Variants in C10orf90 observed in about 807,000 individuals in gnomAD.
The protein encoded by C10orf90 is chromosome 10 open reading frame 90, also known as (E2-independent) E3 ubiquitin-conjugating enzyme FATS.
Under a neutral mutation model 62.5 loss-of-function variants are expected in C10orf90, and 56 were observed. The ratio of observed to expected loss-of-function variants is 0.90; its 90% CI spans 0.72 to 1.12. C10orf90 has a LOEUF of 1.12. Among genes scored for constraint, C10orf90 ranks in the 50% most tolerant of loss-of-function variants. C10orf90 has a pLI of 0.00. For missense variants in C10orf90, 970 were observed against 880.4 expected (o/e 1.10, Z -1.29); for synonymous variants, 386 against 340.4 (o/e 1.13, Z -1.47).
intron 6 of C10orf90, among the ~76,000 whole-genome samples, chr10:126,460,967 C>T (rs1357481404): frequency 6.6e-6 from 1 of 152,094 alleles, no homozygotes; most frequent in Non-Finnish European, 1.5e-5. Flanking sequence ...TAAAACTTTC[C>T]TATCCCTCCA....
chr10:126,611,855 TAG>T (rs1380687442), intron 2 of C10orf90, among the ~76,000 whole-genome samples: 1 of 152,188 alleles, frequency 6.6e-6, no homozygotes, highest in African/African-American at 2.4e-5. Flanking sequence ...AAGTGGTGCA[TAG>T]AGAGTACAAA....
At chr10:126,533,792 C>G (rs113160993) in intron 2 of C10orf90, among the ~76,000 whole-genome samples, 1,687 of 152,350 alleles carry the variant, frequency 0.011, 39 homozygotes, top group African/African-American at 0.038. Flanking sequence ...TTTAAGGCAT[C>G]AAATGCTCTT....
intron 2 of C10orf90, among the ~76,000 whole-genome samples, chr10:126,635,559 C>T (rs1358782190): frequency 1.3e-5 from 2 of 152,196 alleles, no homozygotes; most frequent in African/African-American, 2.4e-5. Flanking sequence ...TGATAACCTG[C>T]TCCTTCCATG....
At chr10:126,573,057 T>C (rs371735494) in intron 2 of C10orf90, among the ~76,000 whole-genome samples, 151 of 152,212 alleles carry the variant, frequency 9.9e-4, no homozygotes, top group South Asian at 6.0e-3. Context: ...AGACACCGAA[T>C]TGTAGAAGGA....
At chr10:126,631,682 C>T (rs1167292109) in intron 2 of C10orf90, among the ~76,000 whole-genome samples, 1 of 151,936 alleles carries the variant, frequency 6.6e-6, no homozygotes. Flanking sequence ...CACCCTCTAC[C>T]TCCCTGGCCT....
chr10:126,636,377 T>C (rs1845950545), intron 2 of C10orf90, among the ~76,000 whole-genome samples: 2 of 152,076 alleles, frequency 1.3e-5, no homozygotes, highest in Non-Finnish European at 2.9e-5. Flanking sequence ...AGACTCACTG[T>C]TGAAAAAGAA....
intron 2 of C10orf90, among the ~76,000 whole-genome samples, chr10:126,637,559 A>G (rs530203450): frequency 1.3e-5 from 2 of 152,344 alleles, no homozygotes; most frequent in African/African-American, 4.8e-5. Flanking sequence ...AGCAGGGGAG[A>G]GAAAGGTGGA....
intron 2 of C10orf90, among the ~76,000 whole-genome samples, chr10:126,540,166 G>C (rs1367980727): frequency 6.6e-6 from 1 of 152,058 alleles, no homozygotes; most frequent in Non-Finnish European, 1.5e-5. Flanking sequence ...AAATATGCAA[G>C]ACCTGTATCA....
chr10:126,625,549 G>A (rs1207327431), intron 2 of C10orf90, among the ~76,000 whole-genome samples: 3 of 152,194 alleles, frequency 2.0e-5, no homozygotes, highest in Admixed American at 1.3e-4. Context: ...TCTCCTGTCT[G>A]GTTGGCTCCA....
intron 2 of C10orf90, among the ~76,000 whole-genome samples, chr10:126,556,463 A>G (rs191025604): frequency 6.6e-6 from 1 of 152,214 alleles, no homozygotes; most frequent in Non-Finnish European, 1.5e-5. Flanking sequence ...TTATATTACC[A>G]ACAGAAATTT....
chr10:126,509,095 A>C (rs900176635), intron 3 of C10orf90, among the ~76,000 whole-genome samples: 1 of 152,162 alleles, frequency 6.6e-6, no homozygotes, highest in Non-Finnish European at 1.5e-5. Context: ...ATAAGGAATT[A>C]GCCACCATTT....
chr10:126,449,123 A>T (rs1388043864), intron 7 of C10orf90, among the ~76,000 whole-genome samples: 1 of 152,234 alleles, frequency 6.6e-6, no homozygotes, highest in East Asian at 1.9e-4. Context: ...ATGAACATAG[A>T]TGCAAAAATC....
intron 3 of C10orf90, among the ~76,000 whole-genome samples, chr10:126,509,851 CTA>C (rs1862992370): frequency 6.6e-6 from 1 of 152,292 alleles, no homozygotes; most frequent in Non-Finnish European, 1.5e-5. Context: ...TCTTAAAAAT[CTA>C]TATGAGTTTG....
intron 1 of C10orf90, among the ~76,000 whole-genome samples, chr10:126,649,692 G>C (rs1846253938): frequency 6.6e-6 from 1 of 152,178 alleles, no homozygotes; most frequent in African/African-American, 2.4e-5. Context: ...ACTGATGCAT[G>C]TGAATCTACA....
At chr10:126,630,920 G>A (rs575406937) in intron 2 of C10orf90, among the ~76,000 whole-genome samples, 1 of 152,278 alleles carries the variant, frequency 6.6e-6, no homozygotes, top group African/African-American at 2.4e-5. Flanking sequence ...GGCCTCTGAT[G>A]TGTTTCCAGC....
intron 2 of C10orf90, among the ~76,000 whole-genome samples, chr10:126,593,686 A>T (rs765649821): frequency 8.4e-4 from 128 of 152,156 alleles, no homozygotes; most frequent in Non-Finnish European, 1.5e-3. Flanking sequence ...TGTGCCCCAG[A>T]ACTCAAAGTT....
intron 4 of C10orf90, among the ~76,000 whole-genome samples, chr10:126,474,197 G>C (rs1860738928): frequency 6.6e-6 from 1 of 152,148 alleles, no homozygotes; most frequent in South Asian, 2.1e-4. Context: ...CAAGCCCGGG[G>C]GTCTCTGCCC....
chr10:126,619,124 C>T (rs529273993), intron 2 of C10orf90, among the ~76,000 whole-genome samples: 4 of 152,282 alleles, frequency 2.6e-5, no homozygotes, highest in Admixed American at 6.5e-5. Flanking sequence ...TACGTAACAC[C>T]GTGCACACTA....
At chr10:126,568,734 T>G (rs1844443751) in intron 2 of C10orf90, among the ~76,000 whole-genome samples, 1 of 151,906 alleles carries the variant, frequency 6.6e-6, no homozygotes, top group Admixed American at 6.6e-5. Context: ...CAGACAGAGG[T>G]GCTTTAGGAG....
Sources: allele counts gnomAD v4.1 joint callset (sites outside exome capture counted in the v4.1 genomes callset), GRCh38; gene constraint gnomAD v4.1.1; transcripts MANE v1.5; gene names NCBI Gene and HGNC (gene_info 2026-07-23, HGNC 2026-07-21).